NINJ2: variants seen among roughly 807,000 people sequenced by gnomAD.
NINJ2 encodes ninjurin 2.
A neutral mutation model predicts 11.7 loss-of-function variants in NINJ2; 12 were observed. That is an observed-to-expected ratio of 1.02 (90% CI 0.66 to 1.66). The LOEUF (loss-of-function observed/expected upper bound fraction) is 1.66. Ranked by LOEUF, NINJ2 falls within the 40% of genes most tolerant of loss-of-function variation. NINJ2 has a pLI of 0.00. For synonymous variants in NINJ2, 93 were observed against 76.8 expected, an observed-to-expected ratio of 1.21 and a Z score of -1.10; for missense variants, 187 against 181.8, an observed-to-expected ratio of 1.03 and a Z score of -0.16.
rs563733446 is a variant in NINJ2 at position 610,279 on chromosome 12, C to T, written c.34-44101G>A. ...CCCCTCTGGCAGCCCTCTTCACCTG[C>T]CCAGTCCCCAGTGCCCAGCACCCAG... On this transcript the variant is annotated intron_variant, in intron 1 of 3. Coordinates refer to ENST00000305108, the MANE Select transcript of NINJ2 (RefSeq NM_016533.6). The T allele has an allele frequency of 2.1e-5, 29 of 1,359,532 alleles. No individual in the cohort carries two copies. The African/African-American group carries it at 4.0e-4, about 19-fold the overall frequency. 84.2% of individuals were successfully genotyped at this position (1,359,532 alleles called of 1,614,324 possible). A position where few individuals can be genotyped will look rare whatever the true frequency, so the allele number is the denominator to read the frequency against.
At chr12:651,442 A>T (rs1302432604) in intron 1 of NINJ2, among the ~76,000 whole-genome samples, 3 of 152,196 alleles carry the variant, frequency 2.0e-5, no homozygotes, top group Admixed American at 6.6e-5. Context: ...TCACTGAAAG[A>T]CTGACACCCA....
At chr12:662,219 T>C (rs1290936431) in intron 1 of NINJ2, among the ~76,000 whole-genome samples, 1 of 152,192 alleles carries the variant, frequency 6.6e-6, no homozygotes, top group Non-Finnish European at 1.5e-5. Flanking sequence ...AGCCTTGCGG[T>C]GGGACCGCTC....
intron 1 of NINJ2, among the ~76,000 whole-genome samples, chr12:607,179 C>T (rs754365586): frequency 6.6e-6 from 1 of 152,188 alleles, no homozygotes; most frequent in African/African-American, 2.4e-5. Context: ...CCTCAGGCCT[C>T]CCCCAGATCT....
At chr12:638,362 T>G (rs972592826) in intron 1 of NINJ2, among the ~76,000 whole-genome samples, 1 of 152,236 alleles carries the variant, frequency 6.6e-6, no homozygotes, top group African/African-American at 2.4e-5. Flanking sequence ...TATTTCCTAT[T>G]AAATCCGATC....
chr12:580,425 T>C lies in NINJ2; in HGVS notation c.34-14247A>G, dbSNP rs546681021. ...CAAAATGGTGAAACCCCATCTCTAC[T>C]AAAAATACAAAAATTAGCCAGATGT... On this transcript the variant is annotated intron_variant, in intron 1 of 3. Coordinates refer to ENST00000305108, the MANE Select transcript of NINJ2 (RefSeq NM_016533.6). The surrounding 1 kb of genome is among the most constrained non-coding windows in gnomAD (Gnocchi z 4.7). Among the ~76,000 whole-genome samples, 15 of 152,066 alleles carry C rather than the reference T, an allele frequency of 9.9e-5. No homozygotes were observed. The highest frequency in any genetic ancestry group is 1.5e-4 in the Non-Finnish European group (10 of 67,974).
intron 1 of NINJ2, among the ~76,000 whole-genome samples, chr12:593,333 C>A (rs1234878112): frequency 1.3e-5 from 2 of 152,128 alleles, no homozygotes; most frequent in Admixed American, 1.3e-4. Flanking sequence ...GATCTGAAAA[C>A]CTAGCGATTG....
chr12:635,991 C>T (rs1340934450), intron 1 of NINJ2, among the ~76,000 whole-genome samples: 4 of 152,114 alleles, frequency 2.6e-5, no homozygotes, highest in African/African-American at 9.7e-5. Flanking sequence ...GCAGGAGAAT[C>T]GCTTGAGCCT....
At chr12:594,298 GATC>G (rs1298743485) in intron 1 of NINJ2, among the ~76,000 whole-genome samples, 1 of 152,186 alleles carries the variant, frequency 6.6e-6, no homozygotes, top group Non-Finnish European at 1.5e-5. Flanking sequence ...TTTTCCTATA[GATC>G]ATCAATGAAT....
chr12:631,546 T>A (rs1423133314), intron 1 of NINJ2, among the ~76,000 whole-genome samples: 1 of 152,024 alleles, frequency 6.6e-6, no homozygotes, highest in Non-Finnish European at 1.5e-5. Context: ...ATATTTTTAG[T>A]ACAGACGGGG....
intron 1 of NINJ2, among the ~76,000 whole-genome samples, chr12:624,400 C>A (rs935082626): frequency 3.0e-4 from 45 of 152,164 alleles, no homozygotes; most frequent in African/African-American, 1.1e-3. Flanking sequence ...CAAAGATATA[C>A]CAGGATACTG....
chr12:578,255 G>A (rs865895288), intron 1 of NINJ2, among the ~76,000 whole-genome samples: 9 of 152,166 alleles, frequency 5.9e-5, no homozygotes, highest in Admixed American at 1.3e-4. Flanking sequence ...CGGGGAGCTC[G>A]GTTGTTGGAG....
chr12:640,165 A>G lies in NINJ2; in HGVS notation c.33+23163T>C, dbSNP rs532229406. Among the ~76,000 whole-genome samples the G allele has an allele frequency of 2.0e-5, 3 of 152,376 alleles. No homozygotes were observed. The East Asian group carries it at 5.8e-4, about 29-fold the overall frequency. ...TGGAACTGGCAGTAATGATCTCACA[A>G]AAGCAGGAAAGCTGAGCAGTCAGTC... On this transcript the variant is annotated intron_variant, in intron 1 of 3. Transcript: ENST00000305108. The surrounding 1 kb of genome is among the most constrained non-coding windows in gnomAD (Gnocchi z 4.0).
At chr12:612,782 G>A (rs1027151691) in intron 1 of NINJ2, among the ~76,000 whole-genome samples, 3 of 152,136 alleles carry the variant, frequency 2.0e-5, no homozygotes, top group Admixed American at 6.5e-5. Context: ...TCTGATCCTT[G>A]TAAAGATCTG....
chr12:637,764 T>C (rs1448835621), intron 1 of NINJ2, among the ~76,000 whole-genome samples: 3 of 152,180 alleles, frequency 2.0e-5, no homozygotes, highest in African/African-American at 4.8e-5. Context: ...CCCAATTCCC[T>C]GTGGCAACCA....
intron 1 of NINJ2, chr12:643,380 A>C (rs1370378014): frequency 3.2e-6 from 3 of 932,656 alleles, no homozygotes; most frequent in Non-Finnish European, 3.8e-6. Context: ...CGCGGAGGAA[A>C]GGGTCGCAGC....
chr12:577,435 A>ATATGTATATATATATACATATATATATG (rs1565621287), intron 1 of NINJ2, among the ~76,000 whole-genome samples: 4 of 140,422 alleles, frequency 2.8e-5, no homozygotes, highest in Admixed American at 7.4e-5. Flanking sequence ...ATATACATAT[A>ATATGTATATATATATACATATATATATG]TATATATAAA....
intron 1 of NINJ2, among the ~76,000 whole-genome samples, chr12:629,896 A>AAAATAT: frequency 7.1e-4 from 7 of 9,900 alleles, no homozygotes; most frequent in African/African-American, 1.0e-3. Flanking sequence ...AAAAAAAAAA[A>AAAATAT]ATATATATAT....
chr12:569,199 A>G (rs568340978), intron 1 of NINJ2, among the ~76,000 whole-genome samples: 1 of 152,322 alleles, frequency 6.6e-6, no homozygotes, highest in South Asian at 2.1e-4. Context: ...AATCCAGTTC[A>G]AGCAAGGCTG....
At chr12:597,613 T>A (rs773618439) in intron 1 of NINJ2, among the ~76,000 whole-genome samples, 10 of 152,256 alleles carry the variant, frequency 6.6e-5, no homozygotes, top group Non-Finnish European at 1.5e-4. Flanking sequence ...ATATGATGAA[T>A]TGAAGAAGTC....
Sources: gnomAD v4.1 joint callset for allele counts (sites outside exome capture counted in the v4.1 genomes callset) on GRCh38, gnomAD v4.1.1 for gene constraint, Gnocchi (gnomAD v3.1) non-coding constraint, MANE v1.5 for transcripts, NCBI Gene and HGNC (gene_info 2026-07-23, HGNC 2026-07-21) for gene names.